The following TNFSF18 variants were observed in gnomAD, a reference collection of about 807,000 sequenced individuals.
TNFSF18 encodes the protein TNF superfamily member 18.
Under a neutral mutation model 9.6 loss-of-function variants are expected in TNFSF18, and 6 were observed. That is an observed-to-expected ratio of 0.63 (90% CI 0.34 to 1.24). The LOEUF (loss-of-function observed/expected upper bound fraction) is 1.24. Ranked by LOEUF, TNFSF18 falls within the 50% of genes most tolerant of loss-of-function variation. The probability of loss-of-function intolerance (pLI) is 0.03; values close to 1 mark genes in which losing one functional copy is unlikely to be tolerated. For synonymous variants in TNFSF18, 68 were observed against 71.7 expected (o/e 0.95, Z 0.26); for missense variants, 210 against 201.0 (o/e 1.04, Z -0.27).
chr1:173,048,758 A>G (rs983379850), intron 1 of TNFSF18, among the ~76,000 whole-genome samples: 3 of 152,214 alleles, frequency 2.0e-5, no homozygotes, highest in African/African-American at 4.8e-5. Flanking sequence ...ACTAGAGTGG[A>G]GACCAAAATA....
intron 1 of TNFSF18, among the ~76,000 whole-genome samples, chr1:173,044,459 TA>T (rs1374965697): frequency 2.6e-5 from 4 of 152,214 alleles, no homozygotes; most frequent in African/African-American, 9.6e-5. Context: ...AATATTCAGA[TA>T]ACTACATGTC....
At chr1:173,047,250 C>T (rs1014015445) in intron 1 of TNFSF18, among the ~76,000 whole-genome samples, 1 of 152,090 alleles carries the variant, frequency 6.6e-6, no homozygotes, top group Non-Finnish European at 1.5e-5. Flanking sequence ...TGTTGAAATT[C>T]AATTTAGTTC....
intron 1 of TNFSF18, among the ~76,000 whole-genome samples, chr1:173,046,872 TG>T (rs1478668228): frequency 7.3e-6 from 1 of 137,594 alleles, no homozygotes; most frequent in Non-Finnish European, 1.6e-5. Flanking sequence ...TCCCTACACT[TG>T]TTTTTTTTTG....
chr1:173,041,402 T>C lies in TNFSF18; in HGVS notation c.499A>G (p.Ile167Val), dbSNP rs201116332. The C allele has an allele frequency of 1.7e-4, 279 of 1,611,192 alleles. 1 individual carries two copies. Among genetic ancestry groups the C allele is most frequent in the Non-Finnish European group, 2.3e-4 (272 of 1,178,668 alleles). ...QVLKNNTYWG[I>V]ILLANPQFIS ...AATTGGGGATTTGCTAGTAAAATGA[T>C]ACCCCAGTATGTATTATTTTTTAGA... Residue 167 changes from isoleucine to valine, a missense_variant, in exon 3 of 3, where the codon ATC becomes GTC. By Grantham distance (29) the Ile-to-Val change is conservative. Transcript: ENST00000404377.
At chr1:173,045,348 G>A (rs1448987717) in intron 1 of TNFSF18, among the ~76,000 whole-genome samples, 2 of 152,298 alleles carry the variant, frequency 1.3e-5, no homozygotes, top group East Asian at 3.9e-4. Context: ...ATGTTTGGAA[G>A]CCAAGAAAAG....
At chr1:173,042,051 G>A (rs1167611408) in intron 2 of TNFSF18, among the ~76,000 whole-genome samples, 2 of 152,140 alleles carry the variant, frequency 1.3e-5, no homozygotes. Flanking sequence ...GAAATCACAA[G>A]CCAAAATTTT....
rs112596194 is a variant in TNFSF18, at chr1:173,042,458, C to T, written c.188-745G>A. Reference sequence around the variant, plus strand: ...TTTGTGTCTAAATTATGGCTGTTCTCCTCAGTTTGTAGGTATATATCATTT... The same window carrying T: ...TTTGTGTCTAAATTATGGCTGTTCTTCTCAGTTTGTAGGTATATATCATTT... On this transcript the variant is annotated intron_variant, in intron 2 of 2. Transcript: ENST00000404377. Among the ~76,000 whole-genome samples the T allele has an allele frequency of 3.3e-3, 501 of 152,074 alleles. 4 individuals are homozygous for T. Among genetic ancestry groups the T allele is most frequent in the African/African-American group, 0.012 (479 of 41,520 alleles).
intron 1 of TNFSF18, among the ~76,000 whole-genome samples, chr1:173,046,778 G>GAATT (rs1235048093): frequency 2.0e-5 from 3 of 151,830 alleles, no homozygotes; most frequent in African/African-American, 7.3e-5. Context: ...CAAATGTTGG[G>GAATT]AATTATACTG....
chr1:173,046,445 T>C (rs1665086188), intron 1 of TNFSF18, among the ~76,000 whole-genome samples: 1 of 152,176 alleles, frequency 6.6e-6, no homozygotes, highest in African/African-American at 2.4e-5. Flanking sequence ...TCGGGTAATT[T>C]TTCAGTCATG....
At position 173,050,795 on chromosome 1, in the gene TNFSF18, C is replaced by T. The variant is rs1163211936; in HGVS notation, c.102G>A (p.Met34Ile). The change falls in exon 1 of 3, where the codon ATG becomes ATA. Residue 34 changes from methionine (M) to isoleucine (I), a missense_variant. By Grantham distance (10) the Met-to-Ile change is conservative. Coordinates refer to ENST00000404377, the MANE Select transcript of TNFSF18 (RefSeq NM_005092.4). ...WKLWLFCSIV[M>I]LLFLCSFSWL... The stretch of plus-strand genomic sequence containing the variant: ...AACTGAAGGAGCAAAGAAATAGCAA[C>T]ATAACTATTGAGCAAAAGAGCCACA... 1 of 1,612,972 alleles carries T rather than the reference C, an allele frequency of 6.2e-7. No individual in the cohort carries two copies. Among genetic ancestry groups the T allele is most frequent in the African/African-American group, 1.3e-5 (1 of 74,926 alleles).
At chr1:173,043,249 G>C (rs1665020543) in intron 2 of TNFSF18, among the ~76,000 whole-genome samples, 1 of 152,062 alleles carries the variant, frequency 6.6e-6, no homozygotes, top group Non-Finnish European at 1.5e-5. Context: ...AAACTATATA[G>C]GAACACAGGG....
In TNFSF18 at chr1:173,047,006, C is replaced by T. The variant is rs751098407; in HGVS notation, c.157-3037G>A. Among the ~76,000 whole-genome samples, 152 of 152,094 alleles carry T rather than the reference C, an allele frequency of 1.0e-3. 1 individual carries two copies. The highest frequency in any genetic ancestry group is 1.7e-3 in the Non-Finnish European group (119 of 68,014). On this transcript the variant is annotated intron_variant, in intron 1 of 2. Coordinates refer to ENST00000404377, the MANE Select transcript of TNFSF18 (RefSeq NM_005092.4). ...CTCCTGGACTCAACCAATTCTCCCA[C>T]GTCAGCCCCCTGAGTAGCTGGGACT...
chr1:173,047,366 G>T (rs1171192235), intron 1 of TNFSF18, among the ~76,000 whole-genome samples: 1 of 152,188 alleles, frequency 6.6e-6, no homozygotes, highest in Non-Finnish European at 1.5e-5. Flanking sequence ...GGGGTTAAAT[G>T]AGGTCGTTTT....
Position 173,050,886 on chromosome 1 carries a change from C to G in TNFSF18, c.11G>C (p.Ser4Thr). MCL[S>T]HLENMPLSHS... is the part of the protein sequence containing the mutation. ...GCTTAAAGGCATATTTTCCAAGTGG[C>G]TCAAACACATTTTTGGAGAAATGAG... Residue 4 changes from serine (S) to threonine (T), a missense_variant, in exon 1 of 3, where the codon AGC becomes ACC. Physicochemically the swap from Ser to Thr is moderately conservative, Grantham distance 58. Coordinates refer to ENST00000404377, the MANE Select transcript of TNFSF18 (RefSeq NM_005092.4). The G allele has an allele frequency of 1.2e-6, 2 of 1,613,828 alleles. No individual in the cohort carries two copies. Among genetic ancestry groups the G allele is most frequent in the Non-Finnish European group, 1.7e-6 (2 of 1,179,778 alleles).
At position 173,041,277 on chromosome 1, in the gene TNFSF18, A is replaced by G. The variant is rs886174727; in HGVS notation, c.*90T>C. 17 of 1,089,348 alleles carry G rather than the reference A, an allele frequency of 1.6e-5. No homozygotes were observed. The African/African-American group carries it at 2.1e-4, about 13-fold the overall frequency. 67.5% of individuals were successfully genotyped at this position (1,089,348 alleles called of 1,614,324 possible). A position where few individuals can be genotyped will look rare whatever the true frequency, so the allele number is the denominator to read the frequency against. ...TTTGTGTTGATTTTTGTAGACAGAC[A>G]AACTCTAGAAATTGAATATCTTCTC... On this transcript the variant is annotated 3_prime_UTR_variant, in exon 3 of 3. Transcript: ENST00000404377.
intron 1 of TNFSF18, among the ~76,000 whole-genome samples, chr1:173,050,442 A>G (rs1390673070): frequency 6.6e-6 from 1 of 152,092 alleles, no homozygotes; most frequent in African/African-American, 2.4e-5. Context: ...ACCAAGAGCT[A>G]TAGCAGAGGG....
At chr1:173,047,883 ATT>A (rs1416802833) in intron 1 of TNFSF18, among the ~76,000 whole-genome samples, 3 of 152,268 alleles carry the variant, frequency 2.0e-5, no homozygotes, top group African/African-American at 7.2e-5. Context: ...ATAGTGTTTG[ATT>A]GAGAGAGTGA....
Position 173,041,617 on chromosome 1 carries a change from T to C in TNFSF18, c.284A>G (p.Tyr95Cys). 2 of 1,613,610 alleles carry C rather than the reference T, an allele frequency of 1.2e-6. No individual in the cohort carries two copies. Among genetic ancestry groups the C allele is most frequent in the Non-Finnish European group, 1.7e-6 (2 of 1,179,646 alleles). Residue 95 changes from tyrosine to cysteine, a missense_variant, in exon 3 of 3, where the codon TAT becomes TGT. Tyr to Cys is a radical substitution (Grantham distance 194, BLOSUM62 -2). Transcript: ENST00000404377. ...GGGAGCCACTTGGCCATAAATTAAA[T>C]ATAAGCCATTCTGAAGTATCTCCAG... ...WKLEILQNGL[Y>C]LIYGQVAPNA... is the part of the protein sequence containing the mutation.
At chr1:173,046,461 C>A (rs890457811) in intron 1 of TNFSF18, among the ~76,000 whole-genome samples, 1 of 151,996 alleles carries the variant, frequency 6.6e-6, no homozygotes, top group Non-Finnish European at 1.5e-5. Context: ...TCATGATGGT[C>A]AAAATCATGA....
Sources: gnomAD v4.1 joint callset for allele counts (sites outside exome capture counted in the v4.1 genomes callset) on GRCh38, gnomAD v4.1.1 for gene constraint, MANE v1.5 for transcripts, NCBI Gene and HGNC (gene_info 2026-07-23, HGNC 2026-07-21) for gene names.